The following GPC5 variants were observed in gnomAD, a reference collection of about 807,000 sequenced individuals.
GPC5 encodes glypican-5.
Under a neutral mutation model 53.9 loss-of-function variants are expected in GPC5, and 47 were observed. The ratio of observed to expected loss-of-function variants is 0.87; its 90% confidence interval spans 0.69 to 1.11. GPC5 has a LOEUF of 1.11. Ranked by LOEUF, GPC5 falls within the 50% of genes most tolerant of loss-of-function variation. The pLI is 0.00. For synonymous variants in GPC5, 286 were observed against 263.3 expected (o/e 1.09, Z -0.84); for missense variants, 748 against 713.1 (o/e 1.05, Z -0.56).
chr13:92,003,252 C>T (rs886595096), intron 6 of GPC5, among the ~76,000 whole-genome samples: 17 of 147,002 alleles, frequency 1.2e-4, no homozygotes, highest in African/African-American at 3.3e-4. Context: ...ATCTGGGAAG[C>T]GGCAGTTGGA....
chr13:92,744,800 G>A (rs941187315), intron 7 of GPC5, among the ~76,000 whole-genome samples: 1 of 152,022 alleles, frequency 6.6e-6, no homozygotes, highest in Non-Finnish European at 1.5e-5. Flanking sequence ...CTTTGAGTTA[G>A]ATGAAAATAT....
intron 7 of GPC5, among the ~76,000 whole-genome samples, chr13:92,853,634 G>A (rs559046974): frequency 1.3e-5 from 2 of 152,204 alleles, no homozygotes; most frequent in South Asian, 2.1e-4. Context: ...TATCAACAAA[G>A]TGACTGAGTA....
At position 91,650,750 on chromosome 13, in the gene GPC5, G is replaced by GTTTTTGTTTTTTTTTTTTTTTT. The variant is rs1491353283; in HGVS notation, c.326-42432_326-42431insGTTTTTTTTTTTTTTTTTTTTT. ...CATCTGTGAAACAAAATTCCCATAA[G>GTTTTTGTTTTTTTTTTTTTTTT]TTTTTTTTTTTTTTTTTTTTTTAGC... On this transcript the variant is annotated intron_variant, in intron 2 of 7. Coordinates refer to ENST00000377067, the MANE Select transcript of GPC5 (RefSeq NM_004466.6). 6.6e-3 allele frequency among the ~76,000 whole-genome samples: 662 copies of GTTTTTGTTTTTTTTTTTTTTTT among 99,574 alleles called. 31 individuals are homozygous for GTTTTTGTTTTTTTTTTTTTTTT. The highest frequency in any genetic ancestry group is 0.03 in the East Asian group (92 of 3,040). The allele number at this position is 99,574 out of a possible 152,430, so 65.3% of individuals were successfully genotyped here.
chr13:91,708,629 A>G (rs1284713902), intron 3 of GPC5, among the ~76,000 whole-genome samples: 2 of 152,222 alleles, frequency 1.3e-5, no homozygotes, highest in Non-Finnish European at 1.5e-5. Flanking sequence ...CTCTGTGAAT[A>G]TAACAAAATT....
intron 5 of GPC5, among the ~76,000 whole-genome samples, chr13:91,763,553 A>G (rs1347237072): frequency 2.6e-5 from 4 of 152,206 alleles, no homozygotes; most frequent in Non-Finnish European, 1.5e-5. Flanking sequence ...TTGCAGTTTC[A>G]GATATAAGGG....
At chr13:92,827,119 G>A (rs1421273352) in intron 7 of GPC5, among the ~76,000 whole-genome samples, 3 of 151,878 alleles carry the variant, frequency 2.0e-5, no homozygotes, top group Admixed American at 1.3e-4. Context: ...ATAAGTCTGG[G>A]GTCTTATCCA....
intron 5 of GPC5, among the ~76,000 whole-genome samples, chr13:91,888,380 T>C (rs896752171): frequency 1.3e-5 from 2 of 152,156 alleles, no homozygotes; most frequent in Non-Finnish European, 2.9e-5. Context: ...CCAAACCATG[T>C]CATTAATATC....
chr13:91,627,974 A>G (rs1182280982), intron 2 of GPC5, among the ~76,000 whole-genome samples: 2 of 152,138 alleles, frequency 1.3e-5, no homozygotes, highest in Non-Finnish European at 2.9e-5. Flanking sequence ...ACTCTTGAAC[A>G]TTATGTCTTT....
chr13:92,272,084 C>T (rs905508932), intron 7 of GPC5, among the ~76,000 whole-genome samples: 7 of 152,250 alleles, frequency 4.6e-5, no homozygotes, highest in African/African-American at 1.7e-4. Flanking sequence ...CCAGTGATGG[C>T]AGGGATGGGC....
intron 2 of GPC5, among the ~76,000 whole-genome samples, chr13:91,544,237 T>G (rs2030143054): frequency 6.6e-6 from 1 of 152,174 alleles, no homozygotes. Flanking sequence ...TTGTTTTTTG[T>G]TAAGGTTGGT....
intron 7 of GPC5, among the ~76,000 whole-genome samples, chr13:92,823,669 A>G (rs1877747387): frequency 1.3e-5 from 2 of 152,278 alleles, no homozygotes; most frequent in South Asian, 2.1e-4. Flanking sequence ...TGTGTTTACT[A>G]GCATTGCAAT....
intron 7 of GPC5, among the ~76,000 whole-genome samples, chr13:92,836,775 C>T (rs1404188798): frequency 6.6e-6 from 1 of 151,914 alleles, no homozygotes; most frequent in Non-Finnish European, 1.5e-5. Context: ...ATATAAGACA[C>T]CTGGATGCTC....
chr13:92,182,694 G>A (rs1249590264), intron 7 of GPC5, among the ~76,000 whole-genome samples: 2 of 150,714 alleles, frequency 1.3e-5, no homozygotes, highest in African/African-American at 5.0e-5. Flanking sequence ...GTGAAACACC[G>A]TCTCTACTAC....
intron 7 of GPC5, among the ~76,000 whole-genome samples, chr13:92,466,795 A>G (rs1250154897): frequency 6.6e-6 from 1 of 152,056 alleles, no homozygotes; most frequent in Non-Finnish European, 1.5e-5. Flanking sequence ...TCTTGCTGTG[A>G]GGTATGGGGT....
intron 7 of GPC5, among the ~76,000 whole-genome samples, chr13:92,347,904 A>ATATAT (rs1457237798): frequency 7.9e-5 from 1 of 12,628 alleles, no homozygotes; most frequent in Non-Finnish European, 1.1e-4. Flanking sequence ...TATATATAAT[A>ATATAT]TATATATAAT....
chr13:92,559,860 G>A (rs1238102872), intron 7 of GPC5, among the ~76,000 whole-genome samples: 3 of 151,076 alleles, frequency 2.0e-5, no homozygotes, highest in South Asian at 4.2e-4. Flanking sequence ...CCTCTCCACC[G>A]CCTCCTCATA....
chr13:92,064,764 A>AAAACAAAACAAAAC (rs1555308146), intron 6 of GPC5, among the ~76,000 whole-genome samples: 3 of 138,366 alleles, frequency 2.2e-5, no homozygotes, highest in African/African-American at 5.2e-5. Flanking sequence ...CTCAAAAAAA[A>AAAACAAAACAAAAC]AAAACAAAAC....
intron 5 of GPC5, among the ~76,000 whole-genome samples, chr13:91,822,024 GA>G (rs1288378455): frequency 2.0e-5 from 3 of 152,244 alleles, no homozygotes; most frequent in East Asian, 3.9e-4. Context: ...GGATTATTTG[GA>G]AAAAATTAAT....
At chr13:92,611,376 T>A (rs1884431423) in intron 7 of GPC5, among the ~76,000 whole-genome samples, 2 of 152,166 alleles carry the variant, frequency 1.3e-5, no homozygotes, top group African/African-American at 4.8e-5. Context: ...TTTCCCTTTG[T>A]CTGAAAATGA....
Sources: allele counts gnomAD v4.1 joint callset (sites outside exome capture counted in the v4.1 genomes callset), GRCh38; gene constraint gnomAD v4.1.1; transcripts MANE v1.5; gene names NCBI Gene and HGNC (gene_info 2026-07-23, HGNC 2026-07-21).